MBD5: variants seen among roughly 807,000 people sequenced by gnomAD.
The protein encoded by MBD5 is methyl-CpG-binding domain protein 5.
In MBD5, 13 loss-of-function variants were observed where a neutral mutation model predicts 117.3. The ratio of observed to expected loss-of-function variants is 0.11; its 90% CI spans 0.07 to 0.18. The LOEUF (loss-of-function observed/expected upper bound fraction) is 0.18, where lower values mean the gene tolerates loss of function less well. MBD5 is among the 10% of genes least tolerant of loss of function. MBD5 has a pLI of 1.00. For missense variants in MBD5, 1,879 were observed against 2,093.8 expected, an observed-to-expected ratio of 0.90 and a Z score of 2.00; for synonymous variants, 727 against 766.4, an observed-to-expected ratio of 0.95 and a Z score of 0.85.
At chr2:148,262,840 G>A (rs1700764830) in intron 3 of MBD5, among the ~76,000 whole-genome samples, 1 of 152,196 alleles carries the variant, frequency 6.6e-6, no homozygotes, top group Admixed American at 6.6e-5. Flanking sequence ...TAGATAGATT[G>A]TTTTGACTGT....
intron 1 of MBD5, chr2:148,068,739 G>C (rs1695273852): frequency 6.6e-6 from 1 of 152,092 alleles, no homozygotes; most frequent in Non-Finnish European, 1.5e-5. Context: ...GAGGTGACTG[G>C]TGATAATTGT....
chr2:148,048,751 C>A (rs1361596092), intron 1 of MBD5, among the ~76,000 whole-genome samples: 1 of 152,200 alleles, frequency 6.6e-6, no homozygotes, highest in East Asian at 1.9e-4. Context: ...AAACAGAGGA[C>A]TGAATGTACT....
At chr2:148,024,462 A>T (rs1295706411) in intron 1 of MBD5, among the ~76,000 whole-genome samples, 2 of 152,140 alleles carry the variant, frequency 1.3e-5, no homozygotes, top group African/African-American at 2.4e-5. Context: ...TTTTGTTAAC[A>T]CATCCTTCTA....
At chr2:148,226,868 G>A (rs1371518247) in intron 2 of MBD5, among the ~76,000 whole-genome samples, 1 of 152,174 alleles carries the variant, frequency 6.6e-6, no homozygotes, top group African/African-American at 2.4e-5. Context: ...GGCCAGTGAT[G>A]GTGAGCATTT....
chr2:148,491,259 C>T lies in MBD5; in HGVS notation c.4962+665C>T, dbSNP rs1681516077. Among the ~76,000 whole-genome samples the T allele has an allele frequency of 2.0e-5, 3 of 149,952 alleles. No homozygotes were observed. In the South Asian group the frequency reaches 6.3e-4, roughly 31 times the overall value. ...AATGAAAGCTTCTCCATGAAACTAC[C>T]GTTCAATTTAAAAGAAATTAGTAGG... On this transcript the variant is annotated intron_variant, in intron 11 of 13. Transcript: ENST00000642680.
At chr2:148,323,786 G>A (rs892328741) in intron 3 of MBD5, among the ~76,000 whole-genome samples, 4 of 152,092 alleles carry the variant, frequency 2.6e-5, no homozygotes, top group African/African-American at 9.7e-5. Context: ...CTCCCATTTT[G>A]TAGGTTGCCT....
chr2:148,263,392 C>T (rs944147311), intron 3 of MBD5, among the ~76,000 whole-genome samples: 2 of 152,054 alleles, frequency 1.3e-5, no homozygotes, highest in Non-Finnish European at 2.9e-5. Context: ...GAGGAGAAAA[C>T]TTTTTGTAAG....
At chr2:148,095,260 T>A (rs1325451743) in intron 1 of MBD5, among the ~76,000 whole-genome samples, 1 of 152,166 alleles carries the variant, frequency 6.6e-6, no homozygotes, top group African/African-American at 2.4e-5. Context: ...AATATTCAGA[T>A]AACATTTTTT....
In MBD5 at chr2:148,149,451, AC is replaced by A. The variant is rs1461658507; in HGVS notation, c.-924-29246del. Among the ~76,000 whole-genome samples the A allele has an allele frequency of 3.5e-3, 516 of 146,094 alleles. 8 individuals are homozygous for A. Among genetic ancestry groups the A allele is most frequent in the South Asian group, 0.021 (90 of 4,274 alleles). On this transcript the variant is annotated intron_variant, in intron 1 of 13. Coordinates refer to ENST00000642680, the MANE Select transcript of MBD5 (RefSeq NM_001378120.1). ...ATGATTTATAGTCCTTTGGGTATAT[AC>A]CCAGTAATGGGATGGCTGGGTCAAA...
At chr2:148,039,434 A>G (rs1305378385) in intron 1 of MBD5, among the ~76,000 whole-genome samples, 3 of 152,186 alleles carry the variant, frequency 2.0e-5, no homozygotes, top group Non-Finnish European at 2.9e-5. Context: ...ATTGCTTTAA[A>G]TAGAAAGCTC....
At chr2:148,109,383 T>C (rs1350569933) in intron 1 of MBD5, among the ~76,000 whole-genome samples, 1 of 152,204 alleles carries the variant, frequency 6.6e-6, no homozygotes, top group Non-Finnish European at 1.5e-5. Flanking sequence ...GGTCATTGCA[T>C]CACTTTATAG....
At chr2:148,467,690 ATTC>A (rs1014302051) in intron 7 of MBD5, among the ~76,000 whole-genome samples, 16 of 152,176 alleles carry the variant, frequency 1.1e-4, no homozygotes, top group African/African-American at 3.6e-4. Context: ...CACTGCATTT[ATTC>A]TTCTTATTAC....
Position 148,468,325 on chromosome 2 carries a change from T to C in MBD5, c.398-16T>C. ...TGAGACTGTTAACAGAATTCTTTTTTTCTCTTTCACATCAGATGCAACTCC... is the reference window on the plus strand; with the variant it reads ...TGAGACTGTTAACAGAATTCTTTTTCTCTCTTTCACATCAGATGCAACTCC... On this transcript the variant is annotated splice_polypyrimidine_tract_variant and intron_variant, in intron 7 of 13. Transcript: ENST00000642680. The C allele has an allele frequency of 6.2e-7, 1 of 1,610,578 alleles. No individual in the cohort carries two copies. The highest frequency in any genetic ancestry group is 8.5e-7 in the Non-Finnish European group (1 of 1,177,384).
At chr2:148,154,054 T>TC in intron 1 of MBD5, among the ~76,000 whole-genome samples, 1 of 88,202 alleles carries the variant, frequency 1.1e-5, no homozygotes, top group Admixed American at 1.3e-4. Context: ...TTCTGTTTTT[T>TC]CCCCATCTTT....
chr2:148,229,199 T>G (rs997368119), intron 2 of MBD5, among the ~76,000 whole-genome samples: 2 of 152,068 alleles, frequency 1.3e-5, no homozygotes, highest in African/African-American at 4.8e-5. Flanking sequence ...TTTTTTGTCT[T>G]TTCTGTGTAT....
At chr2:148,352,106 T>G (rs973880237) in intron 4 of MBD5, among the ~76,000 whole-genome samples, 1 of 151,998 alleles carries the variant, frequency 6.6e-6, no homozygotes, top group African/African-American at 2.4e-5. Context: ...AGTTCTCAGT[T>G]TTCTTGCTCT....
intron 11 of MBD5, among the ~76,000 whole-genome samples, chr2:148,501,100 A>G (rs1355231237): frequency 6.6e-6 from 1 of 152,252 alleles, no homozygotes; most frequent in Non-Finnish European, 1.5e-5. Flanking sequence ...ATACAAAAAC[A>G]TGAAAAGGAA....
intron 3 of MBD5, among the ~76,000 whole-genome samples, chr2:148,260,272 A>C (rs954374504): frequency 2.6e-5 from 4 of 152,218 alleles, no homozygotes; most frequent in Admixed American, 6.5e-5. Context: ...AACAATGTTC[A>C]CAGCATCTTC....
At chr2:148,048,769 A>T (rs1365682476) in intron 1 of MBD5, among the ~76,000 whole-genome samples, 8 of 152,182 alleles carry the variant, frequency 5.3e-5, no homozygotes, top group Non-Finnish European at 8.8e-5. Context: ...ACTCAGGGGA[A>T]ACTCTGTGGT....
Sources: gnomAD v4.1 joint callset for allele counts (sites outside exome capture counted in the v4.1 genomes callset) on GRCh38, gnomAD v4.1.1 for gene constraint, MANE v1.5 for transcripts, NCBI Gene and HGNC (gene_info 2026-07-23, HGNC 2026-07-21) for gene names.